The following KCTD14 variants were observed in gnomAD, a reference collection of about 807,000 sequenced individuals.
KCTD14 encodes potassium channel tetramerization domain containing 14, also known as BTB/POZ domain-containing protein KCTD14.
KCTD14 carries 7 observed loss-of-function variants against 5.9 expected under a neutral mutation model. That is an observed-to-expected ratio of 1.19 (90% CI 0.68 to 2.23). The LOEUF (loss-of-function observed/expected upper bound fraction) is 2.23, where lower values mean the gene tolerates loss of function less well. Among genes scored for constraint, KCTD14 ranks in the 30% most tolerant of loss-of-function variants. KCTD14 has a pLI of 0.00. For synonymous variants in KCTD14, 140 were observed against 133.1 expected (o/e 1.05, Z -0.36); for missense variants, 342 against 332.2 (o/e 1.03, Z -0.23).
intron 2 of KCTD14, among the ~76,000 whole-genome samples, chr11:78,038,246 C>T (rs1013008813): frequency 6.6e-6 from 1 of 152,208 alleles, no homozygotes; most frequent in East Asian, 1.9e-4. Context: ...ACAGCTCCTC[C>T]TGCCTTCTCT....
intron 1 of KCTD14, chr11:78,038,812 G>T: frequency 6.5e-7 from 1 of 1,532,286 alleles, no homozygotes; most frequent in Non-Finnish European, 8.7e-7. Context: ...AAAGGACGAG[G>T]ACCAGGAGTT....
At chr11:78,024,427 C>CAA (rs1565311526), upstream of KCTD14, among the ~76,000 whole-genome samples, 101 of 140,276 alleles carry the variant, frequency 7.2e-4, no homozygotes, top group South Asian at 2.4e-3. Flanking sequence ...CACACACACA[C>CAA]ACACACACAC....
chr11:78,036,992 A>T (rs1857820868), intron 2 of KCTD14, among the ~76,000 whole-genome samples: 4 of 152,264 alleles, frequency 2.6e-5, no homozygotes, highest in Admixed American at 2.6e-4. Context: ...TGAGGAAACC[A>T]AGGCCAAAGA....
intron 1 of KCTD14, among the ~76,000 whole-genome samples, chr11:78,043,331 A>G (rs925474101): frequency 2.0e-5 from 3 of 152,240 alleles, no homozygotes; most frequent in Admixed American, 6.5e-5. Context: ...TAAAATGATG[A>G]TGTCTCTTGC....
chr11:78,040,338 T>TTTTC (rs139891448), intron 1 of KCTD14, among the ~76,000 whole-genome samples: 4 of 152,160 alleles, frequency 2.6e-5, no homozygotes, highest in East Asian at 1.9e-4. Flanking sequence ...TCCTTGTCTC[T>TTTTC]TTTCTTTCTT....
chr11:78,026,952 T>C (rs1857482616), upstream of KCTD14, among the ~76,000 whole-genome samples: 1 of 151,470 alleles, frequency 6.6e-6, no homozygotes, highest in East Asian at 1.9e-4. Flanking sequence ...TACAAAAAAT[T>C]AGCTGGCGTG....
rs185067497 is a variant in KCTD14, at chr11:78,035,302, C to T, written c.-1+3362G>A. ...TCCAACTGAGTTTGGCCAATGGGAGCTTAGCGGGAGATCAGAGGCAAGAGG... is the reference window on the plus strand; with the variant it reads ...TCCAACTGAGTTTGGCCAATGGGAGTTTAGCGGGAGATCAGAGGCAAGAGG... On this transcript the variant is annotated intron_variant, in intron 2 of 2. Coordinates refer to the KCTD14 transcript ENST00000533144. Among the ~76,000 whole-genome samples, 49 of 152,228 alleles carry T rather than the reference C, an allele frequency of 3.2e-4. 2 individuals carry two copies. The highest frequency in any genetic ancestry group is 1.2e-3 in the African/African-American group (49 of 41,558).
chr11:78,033,868 A>C (rs1857705886), intron 2 of KCTD14, among the ~76,000 whole-genome samples: 1 of 86,824 alleles, frequency 1.2e-5, no homozygotes. Flanking sequence ...AAGATAACAA[A>C]GAAAATAATA....
In KCTD14 at chr11:78,023,261, G is replaced by A; in HGVS notation, c.-12C>T. On this transcript the variant is annotated 5_prime_UTR_variant, in exon 1 of 2. Coordinates refer to ENST00000353172, the MANE Select transcript of KCTD14 (RefSeq NM_023930.4). ...CAGCCCTGCCACATGCAGATCACTT[G>A]GGCCAGCGGAAGTGCCCCTGGCTGC... The A allele has an allele frequency of 6.2e-7, 1 of 1,608,382 alleles. No individual in the cohort carries two copies. Among genetic ancestry groups the A allele is most frequent in the South Asian group, 1.1e-5 (1 of 90,994 alleles).
At chr11:78,027,583 G>C (rs1392685690), upstream of KCTD14, among the ~76,000 whole-genome samples, 2 of 151,986 alleles carry the variant, frequency 1.3e-5, no homozygotes, top group Non-Finnish European at 2.9e-5. Context: ...GGATGGTCTC[G>C]ATCTCCTGAC....
chr11:78,039,407 T>C (rs1238517356), intron 1 of KCTD14, among the ~76,000 whole-genome samples: 29 of 151,930 alleles, frequency 1.9e-4, no homozygotes, highest in Admixed American at 1.9e-3. Context: ...TGTGCTCCTG[T>C]AATCCCAGCT....
At chr11:78,031,140 G>A (rs900895407) in intron 2 of KCTD14, among the ~76,000 whole-genome samples, 1 of 145,992 alleles carries the variant, frequency 6.8e-6, no homozygotes, top group South Asian at 2.2e-4. Flanking sequence ...CTGAAGACTC[G>A]ACATCCTGGA....
chr11:78,046,164 G>A (rs1858134920), exon 1 of KCTD14: 1 of 983,510 alleles, frequency 1.0e-6, no homozygotes, highest in Non-Finnish European at 1.2e-6. Context: ...GCAAGGGCAG[G>A]AGCAGGAAAG....
rs569683245 is a variant in KCTD14, at chr11:78,028,707, G to T, written c.-1+9957C>A. ...TGTGATCGCAGCACTTTGAAAGACC[G>T]AGATCAGCAGATCAGTTGAGCCCAG... On this transcript the variant is annotated intron_variant, in intron 2 of 2. Coordinates refer to the KCTD14 transcript ENST00000533144. 4.6e-5 allele frequency among the ~76,000 whole-genome samples: 7 copies of T among 151,940 alleles called. No individual in the cohort carries two copies. The South Asian group carries it at 1.5e-3, about 31-fold the overall frequency.
At chr11:78,024,624 T>C (rs1857402364), upstream of KCTD14, among the ~76,000 whole-genome samples, 1 of 151,728 alleles carries the variant, frequency 6.6e-6, no homozygotes, top group African/African-American at 2.4e-5. Flanking sequence ...AATGACTCTA[T>C]TAGTCAGGGT....
chr11:78,017,138 C>T lies in KCTD14; in HGVS notation c.223G>A (p.Gly75Ser), dbSNP rs374830205. Residue 75 changes from glycine to serine, a missense_variant, in exon 2 of 2, where the codon GGC becomes AGC. By Grantham distance (56) the Gly-to-Ser change is moderately conservative (BLOSUM62 0). Coordinates refer to ENST00000353172, the MANE Select transcript of KCTD14 (RefSeq NM_023930.4). ...CTGGGGCGGTCGATGAAGAAGCGGCCCTCCGCGTCCGTGGAGGCCTTGGCT... is the reference window on the plus strand; with the variant it reads ...CTGGGGCGGTCGATGAAGAAGCGGCTCTCCGCGTCCGTGGAGGCCTTGGCT... ...SLAKASTDAEGRFFIDRPSTY... is the reference protein window; with the variant it reads ...SLAKASTDAESRFFIDRPSTY... 1 of 1,613,990 alleles carries T rather than the reference C, an allele frequency of 6.2e-7. No homozygotes were observed. The highest frequency in any genetic ancestry group is 8.5e-7 in the Non-Finnish European group (1 of 1,180,034).
At chr11:78,024,511 T>G (rs1371113825), upstream of KCTD14, among the ~76,000 whole-genome samples, 1 of 151,750 alleles carries the variant, frequency 6.6e-6, no homozygotes, top group Non-Finnish European at 1.5e-5. Context: ...TTTTTTGGTT[T>G]CCTTTGTTGA....
At chr11:78,045,462 C>G (rs929700600) in intron 1 of KCTD14, among the ~76,000 whole-genome samples, 1 of 152,158 alleles carries the variant, frequency 6.6e-6, no homozygotes, top group Non-Finnish European at 1.5e-5. Flanking sequence ...GGTTGGCAAT[C>G]GTTTATGTCT....
At position 78,016,764 on chromosome 11, in the gene KCTD14, G is replaced by C; in HGVS notation, c.597C>G (p.Val199=). The change falls in exon 2 of 2, where the codon GTC becomes GTG. Residue 199 remains valine (V), a synonymous_variant. Coordinates refer to ENST00000353172, the MANE Select transcript of KCTD14 (RefSeq NM_023930.4). ...GGACCGCCTTCCAGGGCCCAAACTT[G>C]ACAACAGACTTGAACATCTTCTTAT... is the stretch of plus-strand genomic sequence containing the variant. ...LQDKKMFKSV[V]KFGPWKAVLD... is the part of the protein sequence containing the mutation. 1 of 1,614,168 alleles carries C rather than the reference G, an allele frequency of 6.2e-7. No homozygotes were observed. The highest frequency in any genetic ancestry group is 8.5e-7 in the Non-Finnish European group (1 of 1,180,014).
Sources: gnomAD v4.1 joint callset for allele counts (sites outside exome capture counted in the v4.1 genomes callset) on GRCh38, gnomAD v4.1.1 for gene constraint, MANE v1.5 for transcripts, NCBI Gene and HGNC (gene_info 2026-07-23, HGNC 2026-07-21) for gene names.